Variants in NYAP2 observed in about 807,000 individuals in gnomAD.
The protein encoded by NYAP2 is neuronal tyrosine-phosphorylated phosphoinositide-3-kinase adapter 2.
A neutral mutation model predicts 50.4 loss-of-function variants in NYAP2; 23 were observed. The ratio of observed to expected loss-of-function variants is 0.46; its 90% CI spans 0.33 to 0.65. The LOEUF is 0.65. NYAP2 is among the 30% of genes least tolerant of loss of function. NYAP2 has a pLI of 0.02. For synonymous variants in NYAP2, 394 were observed against 365.2 expected (o/e 1.08, Z -0.90); for missense variants, 885 against 861.0 (o/e 1.03, Z -0.35).
At chr2:225,650,537 G>A (rs115382952) in intron 6 of NYAP2, among the ~76,000 whole-genome samples, 177 of 152,296 alleles carry the variant, frequency 1.2e-3, no homozygotes, top group African/African-American at 3.9e-3. Context: ...GTAAGTTGAG[G>A]ATATTGATAG....
intron 4 of NYAP2, among the ~76,000 whole-genome samples, chr2:225,540,382 TG>T (rs969496057): frequency 1.3e-5 from 2 of 152,320 alleles, no homozygotes; most frequent in Admixed American, 6.5e-5. Flanking sequence ...TCCACATGTC[TG>T]GGCAGGCCTC....
Position 225,420,071 on chromosome 2 carries a change from C to T in NYAP2, c.221+10970C>T, listed in dbSNP as rs528538656. Among the ~76,000 whole-genome samples, 15 of 152,232 alleles carry T rather than the reference C, an allele frequency of 9.9e-5. No homozygotes were observed. In the South Asian group the frequency reaches 1.0e-3, roughly 11 times the overall value. ...TAATTATTAAACTGGCTTCCAAGAGCGGAGAAGCTGTCTCTTGTGCATAGT... is the reference window on the plus strand; with the variant it reads ...TAATTATTAAACTGGCTTCCAAGAGTGGAGAAGCTGTCTCTTGTGCATAGT... On this transcript the variant is annotated intron_variant, in intron 3 of 6. Coordinates refer to ENST00000636099, the Ensembl canonical transcript of NYAP2.
chr2:225,682,667 A>C, the NYAP2 span, among the ~76,000 whole-genome samples: 1 of 152,190 alleles, frequency 6.6e-6, no homozygotes, highest in African/African-American at 2.4e-5. Context: ...AACTGGGTAC[A>C]AACAGCTATC....
At chr2:225,415,289 C>T (rs1695105201) in intron 3 of NYAP2, among the ~76,000 whole-genome samples, 1 of 152,088 alleles carries the variant, frequency 6.6e-6, no homozygotes, top group Admixed American at 6.6e-5. Flanking sequence ...AAAAGAACCA[C>T]TAAAGTCCAT....
chr2:225,627,209 C>T (rs1359358594), intron 6 of NYAP2, 83 bp downstream of exon 6: 1 of 1,026,520 alleles, frequency 9.7e-7, no homozygotes, highest in East Asian at 2.6e-5. Flanking sequence ...ACAGAATTAT[C>T]ACCACAGATA....
chr2:225,638,822 T>G (rs1426902494), intron 6 of NYAP2, among the ~76,000 whole-genome samples: 4 of 152,254 alleles, frequency 2.6e-5, no homozygotes, highest in Non-Finnish European at 4.4e-5. Context: ...TCTGCCCAGA[T>G]GAGAGCAGGC....
At chr2:225,564,077 A>T (rs1427210666) in intron 4 of NYAP2, among the ~76,000 whole-genome samples, 1 of 152,122 alleles carries the variant, frequency 6.6e-6, no homozygotes, top group Non-Finnish European at 1.5e-5. Flanking sequence ...AAACCAAAGA[A>T]TAGCCTCTGA....
the NYAP2 span, among the ~76,000 whole-genome samples, chr2:225,692,723 G>C: frequency 6.6e-6 from 1 of 151,884 alleles, no homozygotes; most frequent in African/African-American, 2.4e-5. Context: ...AGATATTCAT[G>C]ACTTTTCAAT....
At chr2:225,456,576 G>C (rs1034549705) in intron 3 of NYAP2, among the ~76,000 whole-genome samples, 6 of 152,108 alleles carry the variant, frequency 3.9e-5, no homozygotes, top group African/African-American at 1.4e-4. Context: ...GGTATTTAAG[G>C]GTTCAGGGGC....
intron 3 of NYAP2, among the ~76,000 whole-genome samples, chr2:225,485,999 G>C (rs1690292253): frequency 1.3e-5 from 2 of 152,086 alleles, no homozygotes; most frequent in Admixed American, 1.3e-4. Context: ...ATGTCTCCTT[G>C]TGGGCGGTGG....
At chr2:225,538,321 G>A (rs1691386998) in intron 4 of NYAP2, among the ~76,000 whole-genome samples, 1 of 152,178 alleles carries the variant, frequency 6.6e-6, no homozygotes, top group East Asian at 1.9e-4. Context: ...GCCCCACCCT[G>A]CTCAAACTTC....
intron 4 of NYAP2, among the ~76,000 whole-genome samples, chr2:225,558,429 A>C (rs1238868720): frequency 6.6e-6 from 1 of 152,156 alleles, no homozygotes; most frequent in Non-Finnish European, 1.5e-5. Context: ...TCAGTAAATG[A>C]TAGCATTTCT....
At chr2:225,604,053 T>C (rs1387522137) in intron 5 of NYAP2, among the ~76,000 whole-genome samples, 1 of 152,172 alleles carries the variant, frequency 6.6e-6, no homozygotes, top group Admixed American at 6.5e-5. Context: ...CTATTTTCTT[T>C]CATTTAATTC....
intron 3 of NYAP2, among the ~76,000 whole-genome samples, chr2:225,493,733 G>GAA (rs1690452199): frequency 6.6e-6 from 1 of 152,172 alleles, no homozygotes; most frequent in Non-Finnish European, 1.5e-5. Context: ...CAAAATGAAT[G>GAA]AAAAGTTTAA....
intron 5 of NYAP2, among the ~76,000 whole-genome samples, chr2:225,618,445 A>G (rs146191362): frequency 8.9e-4 from 135 of 152,310 alleles, no homozygotes; most frequent in African/African-American, 3.0e-3. Context: ...AAGTATTACA[A>G]TATGGCAGGC....
chr2:225,604,977 C>A (rs1692761543), intron 5 of NYAP2, among the ~76,000 whole-genome samples: 1 of 152,096 alleles, frequency 6.6e-6, no homozygotes, highest in African/African-American at 2.4e-5. Context: ...GTGATTCCAG[C>A]AATACCAAGT....
intron 5 of NYAP2, among the ~76,000 whole-genome samples, chr2:225,595,726 C>A (rs1365935562): frequency 6.6e-6 from 1 of 151,742 alleles, no homozygotes; most frequent in African/African-American, 2.4e-5. Flanking sequence ...TTAATATAAA[C>A]CATAATCAAA....
chr2:225,405,596 A>T (rs774735985), intron 2 of NYAP2, among the ~76,000 whole-genome samples: 2 of 151,972 alleles, frequency 1.3e-5, no homozygotes, highest in Non-Finnish European at 2.9e-5. Flanking sequence ...TTGAATTGGT[A>T]GCTGTTGTAA....
At chr2:225,465,132 C>T (rs1689896093) in intron 3 of NYAP2, among the ~76,000 whole-genome samples, 1 of 152,060 alleles carries the variant, frequency 6.6e-6, no homozygotes, top group African/African-American at 2.4e-5. Flanking sequence ...TTAGGTTCCC[C>T]ATAAAACCAA....
Sources: allele counts gnomAD v4.1 joint callset (sites outside exome capture counted in the v4.1 genomes callset), GRCh38; gene constraint gnomAD v4.1.1; transcripts MANE v1.5; gene names NCBI Gene and HGNC (gene_info 2026-07-23, HGNC 2026-07-21).